The following PRRX2 variants were observed in gnomAD, a reference collection of about 807,000 sequenced individuals.
PRRX2 encodes paired mesoderm homeobox protein 2.
Under a neutral mutation model 18.0 loss-of-function variants are expected in PRRX2, and 11 were observed. That is an observed-to-expected ratio of 0.61 (90% CI 0.39 to 1.01). PRRX2 has a LOEUF of 1.01. PRRX2 is among the 50% of genes least tolerant of loss of function. The probability of loss-of-function intolerance (pLI) is 0.01; values close to 1 mark genes in which losing one functional copy is unlikely to be tolerated. For missense variants in PRRX2, 387 were observed against 351.0 expected, an observed-to-expected ratio of 1.10 and a Z score of -0.82; for synonymous variants, 177 against 154.8, an observed-to-expected ratio of 1.14 and a Z score of -1.06.
At position 129,671,942 on chromosome 9, in the gene PRRX2, TGGGAG is replaced by T. The variant is rs771977015; in HGVS notation, c.259+5825_259+5829del. 1.4e-5 allele frequency among the ~76,000 whole-genome samples: 1 copy of T among 73,442 alleles called. No homozygotes were observed. Among genetic ancestry groups the T allele is most frequent in the Non-Finnish European group, 2.7e-5 (1 of 37,004 alleles). 48.2% of individuals were successfully genotyped at this position (73,442 alleles called of 152,430 possible). The stretch of plus-strand genomic sequence containing the variant: ...GAGGCTTGTTGGGGACTAAAGCGGG[TGGGAG>T]GGGAGGGGCAGCACGGAACGGGCTC... On this transcript the variant is annotated intron_variant, in intron 1 of 3. Transcript: ENST00000372469. This position sits in a 1 kb window ranked among gnomAD's most constrained non-coding sequence, Gnocchi z 4.0.
chr9:129,706,954 T>G (rs932191627), intron 1 of PRRX2, among the ~76,000 whole-genome samples: 1 of 152,146 alleles, frequency 6.6e-6, no homozygotes, highest in African/African-American at 2.4e-5. Context: ...ACATTTCATA[T>G]AAAAGAAATC....
rs944924916 is a variant in PRRX2, at chr9:129,707,585, G to T, written c.260-11646G>T. Reference sequence around the variant, plus strand: ...TCTGGTGGGTCACCTGAGGTCAGGAGTTCGAGACCAGCCTGGCCAACATGG... The same window carrying T: ...TCTGGTGGGTCACCTGAGGTCAGGATTTCGAGACCAGCCTGGCCAACATGG... On this transcript the variant is annotated intron_variant, in intron 1 of 3. Coordinates refer to ENST00000372469, the MANE Select transcript of PRRX2 (RefSeq NM_016307.4). Among the ~76,000 whole-genome samples, 5 of 152,142 alleles carry T rather than the reference G, an allele frequency of 3.3e-5. No individual in the cohort carries two copies. In the East Asian group the frequency reaches 9.7e-4, roughly 30 times the overall value.
intron 1 of PRRX2, among the ~76,000 whole-genome samples, chr9:129,679,871 C>T (rs185149880): frequency 6.6e-6 from 1 of 152,240 alleles, no homozygotes; most frequent in East Asian, 1.9e-4. Context: ...CCTCCGTTTC[C>T]CAGGGATAGG....
chr9:129,701,312 T>C (rs1832492912), intron 1 of PRRX2, among the ~76,000 whole-genome samples: 1 of 152,240 alleles, frequency 6.6e-6, no homozygotes, highest in Non-Finnish European at 1.5e-5. Flanking sequence ...CTTCATAAAA[T>C]GGTGAGGTCA....
chr9:129,682,316 T>C (rs1017176342), intron 1 of PRRX2, among the ~76,000 whole-genome samples: 4 of 120,260 alleles, frequency 3.3e-5, no homozygotes, highest in Non-Finnish European at 7.2e-5. Context: ...TCCCCGCCGC[T>C]GCTGCTGTGC....
At chr9:129,688,540 C>A (rs1220693768) in intron 1 of PRRX2, among the ~76,000 whole-genome samples, 4 of 152,208 alleles carry the variant, frequency 2.6e-5, no homozygotes, top group Non-Finnish European at 5.9e-5. Context: ...ACTGACCTCA[C>A]GTTTCTCCCA....
chr9:129,675,867 G>T lies in PRRX2; in HGVS notation c.259+9741G>T, dbSNP rs80137034. On this transcript the variant is annotated intron_variant, in intron 1 of 3. Transcript: ENST00000372469. The surrounding 1 kb of genome is among the most constrained non-coding windows in gnomAD (Gnocchi z 4.4). The stretch of plus-strand genomic sequence containing the variant: ...GCGCGGGCCTCCCGTATAAAACCCC[G>T]CAGAACGCCGAGGTCTTGAAAGCCA... Among the ~76,000 whole-genome samples, 20 of 152,248 alleles carry T rather than the reference G, an allele frequency of 1.3e-4. No individual in the cohort carries two copies. Among genetic ancestry groups the T allele is most frequent in the Admixed American group, 1.2e-3 (19 of 15,300 alleles).
In PRRX2 at chr9:129,722,510, G is replaced by A. The variant is rs370014709; in HGVS notation, c.*158G>A. ...CGAGGCTGTTGAGGCCCCTGCAGCC[G>A]GGCCCAGCTCTTCTGTCCTTGGCCA... On this transcript the variant is annotated 3_prime_UTR_variant, in exon 4 of 4. Transcript: ENST00000372469. 5.3e-4 allele frequency: 412 copies of A among 776,112 alleles called. 5 individuals are homozygous for A. The South Asian group carries it at 0.012, about 22-fold the overall frequency. The allele number at this position is 776,112 out of a possible 1,614,324, so 48.1% of individuals were successfully genotyped here. A position where few individuals can be genotyped will look rare whatever the true frequency, so the allele number is the denominator to read the frequency against.
At chr9:129,704,483 A>G (rs1832535314) in intron 1 of PRRX2, among the ~76,000 whole-genome samples, 1 of 152,098 alleles carries the variant, frequency 6.6e-6, no homozygotes, top group Admixed American at 6.6e-5. Flanking sequence ...GGCTGCTGGT[A>G]GCCCCCCTAA....
intron 1 of PRRX2, among the ~76,000 whole-genome samples, chr9:129,668,996 A>G (rs1832064836): frequency 1.3e-5 from 2 of 151,620 alleles, no homozygotes; most frequent in South Asian, 4.2e-4. Context: ...AAACTACACA[A>G]ATTAGTCAGG....
At chr9:129,681,868 C>T (rs1387784038) in intron 1 of PRRX2, among the ~76,000 whole-genome samples, 1 of 152,218 alleles carries the variant, frequency 6.6e-6, no homozygotes. Context: ...GAAGAACCTC[C>T]AGGTTCTGGA....
intron 1 of PRRX2, among the ~76,000 whole-genome samples, chr9:129,703,421 C>T (rs745792412): frequency 1.3e-5 from 2 of 152,134 alleles, no homozygotes; most frequent in East Asian, 1.9e-4. Context: ...GCAGCAACTT[C>T]GCCTGGTCTG....
chr9:129,682,528 C>T (rs1162589519), intron 1 of PRRX2, among the ~76,000 whole-genome samples: 1 of 151,972 alleles, frequency 6.6e-6, no homozygotes, highest in African/African-American at 2.4e-5. Flanking sequence ...CGCCCCAGCC[C>T]CACCCTGGGG....
intron 1 of PRRX2, among the ~76,000 whole-genome samples, chr9:129,703,114 T>A (rs943185882): frequency 1.3e-5 from 2 of 152,238 alleles, no homozygotes; most frequent in African/African-American, 4.8e-5. Flanking sequence ...GATGGCCCCG[T>A]GCCCAGACTC....
intron 1 of PRRX2, among the ~76,000 whole-genome samples, chr9:129,684,387 T>C (rs954570017): frequency 1.3e-5 from 2 of 149,030 alleles, no homozygotes; most frequent in African/African-American, 5.0e-5. Flanking sequence ...CCCTTTCCTA[T>C]AGAGGAGACA....
chr9:129,712,829 A>G (rs1399352916), intron 1 of PRRX2: 1 of 152,232 alleles, frequency 6.6e-6, no homozygotes, highest in Non-Finnish European at 1.5e-5. Context: ...TGGAGAGTGC[A>G]GACGCAGGGT....
At chr9:129,682,827 G>A (rs909191940) in intron 1 of PRRX2, among the ~76,000 whole-genome samples, 7 of 152,136 alleles carry the variant, frequency 4.6e-5, no homozygotes, top group African/African-American at 9.7e-5. Context: ...CTCCTTGGCC[G>A]GGCCCAGTGG....
At chr9:129,692,389 C>T (rs1668129485) in intron 1 of PRRX2, among the ~76,000 whole-genome samples, 1 of 145,738 alleles carries the variant, frequency 6.9e-6, no homozygotes, top group African/African-American at 2.5e-5. Flanking sequence ...AGTCAGTGAG[C>T]CTACAGTGAC....
intron 1 of PRRX2, among the ~76,000 whole-genome samples, chr9:129,681,584 A>G (rs2119062774): frequency 6.6e-6 from 1 of 152,210 alleles, no homozygotes; most frequent in East Asian, 1.9e-4. Flanking sequence ...ATGCGGCAGC[A>G]GGTGGGGAGA....
Sources: gnomAD v4.1 joint callset for allele counts (sites outside exome capture counted in the v4.1 genomes callset) on GRCh38, gnomAD v4.1.1 for gene constraint, Gnocchi (gnomAD v3.1) non-coding constraint, MANE v1.5 for transcripts, NCBI Gene and HGNC (gene_info 2026-07-23, HGNC 2026-07-21) for gene names.